Variants in RPS11 observed in about 807,000 individuals in gnomAD.
RPS11 encodes the protein small ribosomal subunit protein uS17.
For synonymous variants in RPS11, 107 were observed against 78.0 expected (o/e 1.37, Z -1.96); for missense variants, 127 against 211.4 (o/e 0.60, Z 2.48).
intron 3 of RPS11, 139 bp downstream of exon 3, chr19:49,497,734 G>GT (rs1568692392): frequency 8.7e-7 from 1 of 1,147,720 alleles, no homozygotes; most frequent in Non-Finnish European, 1.3e-6. Flanking sequence ...GATGATGTTT[G>GT]TTTTCACGAT....
Position 49,497,447 on chromosome 19 carries a change from G to C in RPS11, c.148-73G>C, listed in dbSNP as rs564296975. On this transcript the variant is annotated intron_variant, in intron 2 of 4. Transcript: ENST00000270625. ...TGCTGGGAATTGTAGTTGCTTCCCTGAGGCCACGCCCCTGGCTCTTTTAAG... is the reference window on the plus strand; with the variant it reads ...TGCTGGGAATTGTAGTTGCTTCCCTCAGGCCACGCCCCTGGCTCTTTTAAG... 2.9e-5 allele frequency: 47 copies of C among 1,594,108 alleles called. No homozygotes were observed. In the Admixed American group the frequency reaches 5.0e-4, roughly 17 times the overall value.
intron 3 of RPS11, 122 bp downstream of exon 3, chr19:49,497,717 A>T: frequency 8.7e-7 from 1 of 1,145,342 alleles, no homozygotes; most frequent in Non-Finnish European, 1.3e-6. Context: ...GTCCAGGTAC[A>T]TTGGCAGATG....
rs760834291 is a variant in RPS11 at position 49,498,038 on chromosome 19, C to T, written c.345C>T (p.Pro115=). ...RHKNMSVHLS[P]CFRDVQIGDI... ...AGAACATGTCTGTACACCTGTCCCCCTGCTTCAGGTGAGCGCAGTGGCCCA... is the reference window on the plus strand; with the variant it reads ...AGAACATGTCTGTACACCTGTCCCCTTGCTTCAGGTGAGCGCAGTGGCCCA... The change falls in exon 4 of 5, where the codon CCC becomes CCT. Residue 115 remains proline, a synonymous_variant. Transcript: ENST00000270625. 6.2e-7 allele frequency: 1 copy of T among 1,612,374 alleles called. No individual in the cohort carries two copies. Among genetic ancestry groups the T allele is most frequent in the Admixed American group, 1.7e-5 (1 of 59,988 alleles).
chr19:49,499,456 CCTGGGGTCTG>C (rs1259398774), intron 4 of RPS11, 46 bp from the exon 5 acceptor site: 2 of 1,580,872 alleles, frequency 1.3e-6, no homozygotes, highest in African/African-American at 1.3e-5. Flanking sequence ...GGGAGGGCCT[CCTGGGGTCTG>C]CTGGGGTGGC....
chr19:49,497,870 G>A, intron 3 of RPS11, 47 bp from the exon 4 acceptor site: 2 of 1,613,508 alleles, frequency 1.2e-6, no homozygotes, highest in East Asian at 2.2e-5. Flanking sequence ...GTTACCTATG[G>A]CCCTCTTTCC....
intron 3 of RPS11, 130 bp from the exon 4 acceptor site, chr19:49,497,787 G>T (rs1601173132): frequency 2.2e-6 from 3 of 1,373,574 alleles, no homozygotes; most frequent in East Asian, 4.6e-5. Context: ...AAAGCCACTT[G>T]GTAAAACTGA....
At chr19:49,497,866 T>C in intron 3 of RPS11, 51 bp from the exon 4 acceptor site, 1 of 1,613,144 alleles carries the variant, frequency 6.2e-7, no homozygotes, top group Non-Finnish European at 8.5e-7. Context: ...CTGGGTTACC[T>C]ATGGCCCTCT....
chr19:49,499,688 C>A lies in RPS11; in HGVS notation c.*53C>A. On this transcript the variant is annotated 3_prime_UTR_variant, in exon 5 of 5. Transcript: ENST00000270625. Reference sequence around the variant, plus strand: ...TGAAATAAAGTTATTTTCTCATTCCCAGGCCAGACTTGGGATCTTCCGCGC... The same window carrying A: ...TGAAATAAAGTTATTTTCTCATTCCAAGGCCAGACTTGGGATCTTCCGCGC... 1 of 1,588,284 alleles carries A rather than the reference C, an allele frequency of 6.3e-7. No homozygotes were observed. Among genetic ancestry groups the A allele is most frequent in the Non-Finnish European group, 8.6e-7 (1 of 1,162,998 alleles).
chr19:49,496,434 C>A lies in RPS11; in HGVS notation c.-23C>A, dbSNP rs113016591. On this transcript the variant is annotated 5_prime_UTR_variant, in exon 1 of 5. Coordinates refer to ENST00000270625, the MANE Select transcript of RPS11 (RefSeq NM_001015.5). ...GAAACCCGGACGCTGCTGCCCCTTT[C>A]TTTTTTTCAGGCGGCCGGGAAGATG... 2 of 1,612,456 alleles carry A rather than the reference C, an allele frequency of 1.2e-6. No homozygotes were observed. Among genetic ancestry groups the A allele is most frequent in the East Asian group, 4.5e-5 (2 of 44,610 alleles).
Position 49,497,873 on chromosome 19 carries a change from C to T in RPS11, c.224-44C>T, listed in dbSNP as rs761743642. 1.7e-5 allele frequency: 27 copies of T among 1,613,656 alleles called. No homozygotes were observed. In the South Asian group the frequency reaches 2.1e-4, roughly 12 times the overall value. ...AGCATGCCCTGGGTTACCTATGGCC[C>T]TCTTTCCCATGGGACCTGACCTATG... On this transcript the variant is annotated intron_variant, in intron 3 of 4. Coordinates refer to ENST00000270625, the MANE Select transcript of RPS11 (RefSeq NM_001015.5).
chr19:49,497,603 C>G lies in RPS11; in HGVS notation c.223+8C>G. 2 of 1,611,690 alleles carry G rather than the reference C, an allele frequency of 1.2e-6. No homozygotes were observed. Among genetic ancestry groups the G allele is most frequent in the South Asian group, 2.2e-5 (2 of 91,046 alleles). The stretch of plus-strand genomic sequence containing the variant: ...GAGGGCGGATCCTCTCTGGTAAGTG[C>G]GGGAGTTACTGGTGTCTGGGGCCTG... On this transcript the variant is annotated splice_region_variant and intron_variant, in intron 3 of 4. Coordinates refer to ENST00000270625, the MANE Select transcript of RPS11 (RefSeq NM_001015.5).
intron 2 of RPS11, 66 bp from the exon 3 acceptor site, chr19:49,497,454 C>T: frequency 6.3e-7 from 1 of 1,592,922 alleles, no homozygotes; most frequent in Non-Finnish European, 8.6e-7. Context: ...CCTGAGGCCA[C>T]GCCCCTGGCT....
At position 49,498,126 on chromosome 19, in the gene RPS11, A is replaced by C. The variant is rs8108814; in HGVS notation, c.353+80A>C. ...TCCAGATCGGACCAATTTAAGGCCA[A>C]CTGAGGGAGGGAAAGACTGAGGTGG... On this transcript the variant is annotated intron_variant, in intron 4 of 4. Transcript: ENST00000270625. 3.6e-3 allele frequency: 5,477 copies of C among 1,507,960 alleles called. 166 individuals are homozygous for C. In the African/African-American group the frequency reaches 0.062, roughly 17 times the overall value. The allele number at this position is 1,507,960 out of a possible 1,614,324, so 93.4% of individuals were successfully genotyped here.
chr19:49,497,929 A>C lies in RPS11; in HGVS notation c.236A>C (p.Lys79Thr), dbSNP rs752969425. 1.9e-6 allele frequency: 3 copies of C among 1,614,142 alleles called. No homozygotes were observed. The East Asian group carries it at 6.7e-5, about 36-fold the overall frequency. ...CCCCCGCTCCTAGGCGTGGTGACCAAGATGAAGATGCAGAGGACCATTGTC... is the reference window on the plus strand; with the variant it reads ...CCCCCGCTCCTAGGCGTGGTGACCACGATGAAGATGCAGAGGACCATTGTC... ...RGRILSGVVT[K>T]MKMQRTIVIR... is the part of the protein sequence containing the mutation. The change falls in exon 4 of 5, where the codon AAG (lysine) becomes ACG (threonine). Residue 79 changes from lysine (K) to threonine (T), a missense_variant. By Grantham distance (78) the Lys-to-Thr change is moderately conservative (BLOSUM62 -1). Coordinates refer to ENST00000270625, the MANE Select transcript of RPS11 (RefSeq NM_001015.5).
At chr19:49,496,841 G>T (rs548193809) in intron 1 of RPS11, among the ~76,000 whole-genome samples, 1 of 152,238 alleles carries the variant, frequency 6.6e-6, no homozygotes, top group South Asian at 2.1e-4. Flanking sequence ...TACTACATAA[G>T]GAGTGAATCC....
intron 1 of RPS11, 161 bp downstream of exon 1, chr19:49,496,632 C>G (rs969712071): frequency 5.5e-6 from 4 of 724,108 alleles, no homozygotes; most frequent in East Asian, 2.9e-5. Context: ...GCTTTTGTTT[C>G]TAGATGAGTG....
intron 3 of RPS11, 124 bp downstream of exon 3, chr19:49,497,719 T>C: frequency 8.8e-7 from 1 of 1,136,964 alleles, no homozygotes; most frequent in Non-Finnish European, 1.3e-6. Context: ...CCAGGTACAT[T>C]GGCAGATGAT....
Position 49,497,221 on chromosome 19 carries a change from A to G in RPS11, c.43A>G (p.Thr15Ala). ...QTERAYQKQPTIFQNKKRVLL... is the reference protein window; with the variant it reads ...QTERAYQKQPAIFQNKKRVLL... ...TGAGCGTGCCTACCAAAAGCAGCCG[A>G]CCATCTTTCAAAACAAGAAGAGGGT... Residue 15 changes from threonine (T) to alanine (A), a missense_variant, in exon 2 of 5, where the codon ACC (threonine) becomes GCC (alanine). Coordinates refer to ENST00000270625, the MANE Select transcript of RPS11 (RefSeq NM_001015.5). 6.2e-7 allele frequency: 1 copy of G among 1,614,040 alleles called. No individual in the cohort carries two copies. The highest frequency in any genetic ancestry group is 8.5e-7 in the Non-Finnish European group (1 of 1,180,010).
At chr19:49,498,127 C>T in intron 4 of RPS11, 81 bp downstream of exon 4, 1 of 1,500,364 alleles carries the variant, frequency 6.7e-7, no homozygotes. Context: ...TTAAGGCCAA[C>T]TGAGGGAGGG....
Sources: allele counts gnomAD v4.1 joint callset (sites outside exome capture counted in the v4.1 genomes callset), GRCh38; gene constraint gnomAD v4.1.1; transcripts MANE v1.5; gene names NCBI Gene and HGNC (gene_info 2026-07-23, HGNC 2026-07-21).